The following TNKS variants were observed in gnomAD, a reference collection of about 807,000 sequenced individuals.
TNKS encodes poly [ADP-ribose] polymerase tankyrase-1.
Under a neutral mutation model 135.8 loss-of-function variants are expected in TNKS, and 72 were observed. The observed-to-expected ratio is 0.53, with a 90% CI of 0.44 to 0.64. TNKS has a LOEUF of 0.64. TNKS is among the 30% of genes least tolerant of loss of function. TNKS has a pLI of 0.00. For synonymous variants in TNKS, 849 were observed against 649.3 expected, an observed-to-expected ratio of 1.31 and a Z score of -4.68; for missense variants, 1,769 against 1,674.0, an observed-to-expected ratio of 1.06 and a Z score of -0.99.
chr8:9,556,869 C>T (rs940407609), intron 1 of TNKS: 2 of 577,364 alleles, frequency 3.5e-6, no homozygotes, highest in Admixed American at 6.1e-5. Context: ...AGTTGGTAGT[C>T]TCTGCATATG....
rs530476428 is a variant in TNKS, at chr8:9,574,977, A to G, written c.674-5182A>G. ...GAGGTAAGAAGCAAGTGGAGATGCT[A>G]AGAATGTGGAAAGATTCTAAGGAGC... On this transcript the variant is annotated intron_variant, in intron 1 of 26. Coordinates refer to ENST00000310430, the MANE Select transcript of TNKS (RefSeq NM_003747.3). 101 of 917,174 alleles carry G rather than the reference A, an allele frequency of 1.1e-4. No homozygotes were observed. In the South Asian group the frequency reaches 4.9e-3, roughly 44 times the overall value. The allele number at this position is 917,174 out of a possible 1,614,324, so 56.8% of individuals were successfully genotyped here.
At chr8:9,641,446 A>G (rs557148416) in intron 3 of TNKS, among the ~76,000 whole-genome samples, 2 of 144,974 alleles carry the variant, frequency 1.4e-5, no homozygotes, top group African/African-American at 5.1e-5. Context: ...TGCTTCATAC[A>G]CTGGACTCAT....
chr8:9,596,128 C>T (rs1798777587), intron 2 of TNKS, among the ~76,000 whole-genome samples: 1 of 152,052 alleles, frequency 6.6e-6, no homozygotes, highest in Non-Finnish European at 1.5e-5. Flanking sequence ...TATATACATA[C>T]ATACATACGT....
chr8:9,647,807 A>C (rs1800972808), intron 3 of TNKS, among the ~76,000 whole-genome samples: 1 of 152,210 alleles, frequency 6.6e-6, no homozygotes, highest in African/African-American at 2.4e-5. Context: ...AGTTCTATGA[A>C]ATGCGTCATT....
At chr8:9,705,432 A>G (rs1803997966) in intron 6 of TNKS, among the ~76,000 whole-genome samples, 2 of 152,248 alleles carry the variant, frequency 1.3e-5, no homozygotes, top group Non-Finnish European at 2.9e-5. Flanking sequence ...ATTATGTTAC[A>G]GTCTTGTGAC....
At chr8:9,642,900 T>C (rs762609495) in intron 3 of TNKS, among the ~76,000 whole-genome samples, 1 of 146,388 alleles carries the variant, frequency 6.8e-6, no homozygotes, top group Non-Finnish European at 1.5e-5. Flanking sequence ...TGTATTTCTT[T>C]ATGTACTATT....
At chr8:9,611,713 C>G (rs750458748) in intron 2 of TNKS, among the ~76,000 whole-genome samples, 16 of 152,128 alleles carry the variant, frequency 1.1e-4, no homozygotes, top group Non-Finnish European at 2.2e-4. Flanking sequence ...AGAAAATAGT[C>G]CCACATAAAT....
At chr8:9,644,146 G>T (rs1456267016) in intron 3 of TNKS, among the ~76,000 whole-genome samples, 1 of 152,116 alleles carries the variant, frequency 6.6e-6, no homozygotes, top group East Asian at 1.9e-4. Flanking sequence ...GTGTTTAATA[G>T]GTACATTTTC....
intron 11 of TNKS, among the ~76,000 whole-genome samples, chr8:9,716,326 C>G (rs1804597185): frequency 6.6e-6 from 1 of 151,974 alleles, no homozygotes; most frequent in Non-Finnish European, 1.5e-5. Context: ...TGTTAAAGTA[C>G]TTTTAAAGAT....
At chr8:9,628,027 G>A (rs1008463586) in intron 3 of TNKS, among the ~76,000 whole-genome samples, 7 of 152,158 alleles carry the variant, frequency 4.6e-5, no homozygotes, top group Non-Finnish European at 8.8e-5. Flanking sequence ...GCCACCTCTC[G>A]TCTACTTTTT....
chr8:9,706,471 C>G (rs537375870), intron 7 of TNKS, among the ~76,000 whole-genome samples: 1 of 152,264 alleles, frequency 6.6e-6, no homozygotes, highest in Non-Finnish European at 1.5e-5. Flanking sequence ...TCAAGTGATC[C>G]TCCCCCTCAG....
chr8:9,609,027 A>T (rs1367002066), intron 2 of TNKS, among the ~76,000 whole-genome samples: 17 of 152,020 alleles, frequency 1.1e-4, no homozygotes, highest in Non-Finnish European at 1.9e-4. Flanking sequence ...TTATATTTTT[A>T]TTTCTAAAAG....
intron 2 of TNKS, among the ~76,000 whole-genome samples, chr8:9,614,182 G>A (rs1020821103): frequency 1.3e-5 from 2 of 152,160 alleles, no homozygotes; most frequent in Admixed American, 6.5e-5. Flanking sequence ...TACAATAGCT[G>A]TACCCATTAT....
intron 5 of TNKS, among the ~76,000 whole-genome samples, chr8:9,681,816 A>T (rs1197747177): frequency 6.6e-6 from 1 of 152,114 alleles, no homozygotes; most frequent in Non-Finnish European, 1.5e-5. Context: ...CTCTATTTTA[A>T]TGAAATCCAA....
chr8:9,663,439 C>G (rs1402974836), intron 3 of TNKS, among the ~76,000 whole-genome samples: 1 of 152,196 alleles, frequency 6.6e-6, no homozygotes, highest in African/African-American at 2.4e-5. Flanking sequence ...CTGCTTATTT[C>G]ACTTCTGGTC....
intron 2 of TNKS, among the ~76,000 whole-genome samples, chr8:9,592,983 G>C (rs1798642523): frequency 6.6e-6 from 1 of 152,168 alleles, no homozygotes; most frequent in Non-Finnish European, 1.5e-5. Flanking sequence ...ATGGGCAGTT[G>C]AATATTGATT....
intron 2 of TNKS, among the ~76,000 whole-genome samples, chr8:9,588,400 G>A (rs1022580681): frequency 2.0e-5 from 3 of 151,858 alleles, no homozygotes; most frequent in Admixed American, 6.6e-5. Flanking sequence ...TCAGCCTCCC[G>A]AGTAGCTGGG....
intron 3 of TNKS, among the ~76,000 whole-genome samples, chr8:9,635,281 T>C (rs1800468323): frequency 6.6e-6 from 1 of 152,140 alleles, no homozygotes; most frequent in Admixed American, 6.5e-5. Context: ...TCCGGGATAG[T>C]TTGACTATCA....
At chr8:9,664,681 A>C (rs575996736) in intron 3 of TNKS, among the ~76,000 whole-genome samples, 1 of 152,394 alleles carries the variant, frequency 6.6e-6, no homozygotes, top group South Asian at 2.1e-4. Context: ...TATGAACTGC[A>C]TTTAGAGAAC....
Sources: allele counts gnomAD v4.1 joint callset (sites outside exome capture counted in the v4.1 genomes callset), GRCh38; gene constraint gnomAD v4.1.1; transcripts MANE v1.5; gene names NCBI Gene and HGNC (gene_info 2026-07-23, HGNC 2026-07-21).